The following MAP3K20 variants were observed in gnomAD, a reference collection of about 807,000 sequenced individuals.
MAP3K20 encodes the protein HCCS-4.
MAP3K20 carries 40 observed loss-of-function variants against 85.7 expected under a neutral mutation model. The observed-to-expected ratio is 0.47, with a 90% CI of 0.36 to 0.61. MAP3K20 has a LOEUF of 0.61. Among genes scored for constraint, MAP3K20 ranks in the 20% least tolerant of loss-of-function variants. The probability of loss-of-function intolerance (pLI) is 0.00; values close to 1 mark genes in which losing one functional copy is unlikely to be tolerated. For synonymous variants in MAP3K20, 325 were observed against 327.7 expected, an observed-to-expected ratio of 0.99 and a Z score of 0.09; for missense variants, 817 against 961.7, an observed-to-expected ratio of 0.85 and a Z score of 1.99.
chr2:173,120,513 A>C (rs1232568417), intron 2 of MAP3K20, among the ~76,000 whole-genome samples: 1 of 151,496 alleles, frequency 6.6e-6, no homozygotes, highest in African/African-American at 2.4e-5. Flanking sequence ...CAGAACCTAG[A>C]ATAGCCAGTG....
chr2:173,215,505 T>C (rs976536669), intron 10 of MAP3K20: 1 of 152,258 alleles, frequency 6.6e-6, no homozygotes, highest in Admixed American at 6.5e-5. Context: ...GAAAAATTGC[T>C]GATTCACTGC....
At chr2:173,117,559 C>A (rs537712836) in intron 2 of MAP3K20, among the ~76,000 whole-genome samples, 1 of 152,158 alleles carries the variant, frequency 6.6e-6, no homozygotes, top group African/African-American at 2.4e-5. Context: ...GGATTACAGG[C>A]ACAAGCCACC....
chr2:173,091,839 A>C (rs1321043097), intron 2 of MAP3K20, among the ~76,000 whole-genome samples: 3 of 152,168 alleles, frequency 2.0e-5, no homozygotes, highest in Non-Finnish European at 4.4e-5. Flanking sequence ...CCTTCTCAGG[A>C]ATGAGATATA....
rs1197277628 is a variant in MAP3K20, at chr2:173,112,397, A to C, written c.159+21207A>C. ...CTCTTCACTGATTTGGATGCCCTTT[A>C]TTTCTTTCTCTTGTCTGATTGATCC... On this transcript the variant is annotated intron_variant, in intron 2 of 19. Transcript: ENST00000375213. 2.6e-5 allele frequency among the ~76,000 whole-genome samples: 4 copies of C among 152,000 alleles called. No individual in the cohort carries two copies. The East Asian group carries it at 7.7e-4, about 29-fold the overall frequency.
chr2:173,196,203 G>A (rs1402389190), intron 7 of MAP3K20, among the ~76,000 whole-genome samples: 2 of 152,148 alleles, frequency 1.3e-5, no homozygotes, highest in Non-Finnish European at 2.9e-5. Flanking sequence ...CCTTAGGAAT[G>A]CCACATCCAT....
rs1014561154 is a variant in MAP3K20, at chr2:173,134,675, T to C, written c.160-35130T>C. 3.3e-5 allele frequency among the ~76,000 whole-genome samples: 5 copies of C among 151,396 alleles called. 1 individual carries two copies. The highest frequency in any genetic ancestry group is 1.2e-4 in the African/African-American group (5 of 41,166). Reference sequence around the variant, plus strand: ...AGCTACATACATTGGAACTGATACTTCCTCCATGTGGCAGCCTTCAGATAT... The same window carrying C: ...AGCTACATACATTGGAACTGATACTCCCTCCATGTGGCAGCCTTCAGATAT... On this transcript the variant is annotated intron_variant, in intron 2 of 19. Transcript: ENST00000375213.
In MAP3K20 at chr2:173,230,552, T is replaced by C. The variant is rs139902300; in HGVS notation, c.1032+819T>C. Among the ~76,000 whole-genome samples, 20 of 152,298 alleles carry C rather than the reference T, an allele frequency of 1.3e-4. No homozygotes were observed. In the East Asian group the frequency reaches 3.9e-3, roughly 29 times the overall value. Reference sequence around the variant, plus strand: ...TAGCTTTAGCCAGAGAAGCCCTATGTTTTTGAGAGGCTGCACTCAGACTGT... The same window carrying C: ...TAGCTTTAGCCAGAGAAGCCCTATGCTTTTGAGAGGCTGCACTCAGACTGT... On this transcript the variant is annotated intron_variant, in intron 12 of 19. Transcript: ENST00000375213.
chr2:173,186,141 G>A (rs1690479765), intron 4 of MAP3K20, among the ~76,000 whole-genome samples: 1 of 152,120 alleles, frequency 6.6e-6, no homozygotes, highest in South Asian at 2.1e-4. Context: ...GAAGGAAAGT[G>A]CCTATATTTA....
At chr2:173,164,539 A>G (rs1574070823) in intron 2 of MAP3K20, among the ~76,000 whole-genome samples, 1 of 152,306 alleles carries the variant, frequency 6.6e-6, no homozygotes, top group East Asian at 1.9e-4. Context: ...GCTGTGCACA[A>G]GCTCTTCAGT....
intron 2 of MAP3K20, among the ~76,000 whole-genome samples, chr2:173,153,006 A>C (rs945168722): frequency 6.6e-6 from 1 of 152,220 alleles, no homozygotes; most frequent in Non-Finnish European, 1.5e-5. Flanking sequence ...AATTTGATTG[A>C]GACTAAATAA....
chr2:173,206,095 T>A (rs1463587217), intron 9 of MAP3K20, among the ~76,000 whole-genome samples: 58 of 152,236 alleles, frequency 3.8e-4, no homozygotes, highest in Admixed American at 3.8e-3. Flanking sequence ...AAATAGAAAT[T>A]TTGCCTGAAA....
chr2:173,215,671 A>T (rs559594296), intron 10 of MAP3K20: 15 of 152,238 alleles, frequency 9.9e-5, no homozygotes, highest in African/African-American at 3.6e-4. Context: ...TCAGACGAGT[A>T]GCGAAGTGAA....
rs188864784 is a variant in MAP3K20 at position 173,232,241 on chromosome 2, C to A, written c.1063+19C>A. 1 of 1,614,176 alleles carries A rather than the reference C, an allele frequency of 6.2e-7. No individual in the cohort carries two copies. Among genetic ancestry groups the A allele is most frequent in the East Asian group, 2.2e-5 (1 of 44,894 alleles). On this transcript the variant is annotated intron_variant, in intron 13 of 19. Coordinates refer to ENST00000375213, the MANE Select transcript of MAP3K20 (RefSeq NM_016653.3). ...AGAAAAGGCAAGTGGAATAAGTTAC[C>A]TTCTTCAATCATGGAGTTAACTTTG...
intron 2 of MAP3K20, among the ~76,000 whole-genome samples, chr2:173,153,742 T>G (rs1026547949): frequency 6.6e-6 from 1 of 152,168 alleles, no homozygotes; most frequent in Non-Finnish European, 1.5e-5. Context: ...GATGCCTAAG[T>G]CCTTTGTATA....
At chr2:173,169,529 T>C (rs886950175) in intron 2 of MAP3K20, among the ~76,000 whole-genome samples, 41 of 151,686 alleles carry the variant, frequency 2.7e-4, no homozygotes, top group Non-Finnish European at 8.8e-5. Flanking sequence ...GAGATCAGCC[T>C]GGACAACATA....
rs1683578108 is a variant in MAP3K20, at chr2:173,203,942, T to G, written c.744+72T>G. The G allele has an allele frequency of 6.5e-6, 9 of 1,395,176 alleles. No individual in the cohort carries two copies. The South Asian group carries it at 1.0e-4, about 16-fold the overall frequency. 86.4% of individuals were successfully genotyped at this position (1,395,176 alleles called of 1,614,324 possible). A position where few individuals can be genotyped will look rare whatever the true frequency, so the allele number is the denominator to read the frequency against. On this transcript the variant is annotated intron_variant, in intron 9 of 19. Transcript: ENST00000375213. ...TTGTTTGGCTTTCAGTTTTTAAAAC[T>G]TAGGGTAATAAAATTCATTACAAAG...
At chr2:173,217,057 C>A in intron 10 of MAP3K20, 58 bp from the exon 11 acceptor site, 1 of 1,362,780 alleles carries the variant, frequency 7.3e-7, no homozygotes, top group Non-Finnish European at 9.5e-7. Context: ...GATGGACCCA[C>A]TAAGCGCTTG....
At chr2:173,230,006 A>G (rs899366123) in intron 12 of MAP3K20, among the ~76,000 whole-genome samples, 2 of 152,012 alleles carry the variant, frequency 1.3e-5, no homozygotes, top group African/African-American at 4.8e-5. Context: ...TAATTTTTGT[A>G]TTTTTAGTAG....
intron 3 of MAP3K20, among the ~76,000 whole-genome samples, chr2:173,172,366 G>A (rs1043245337): frequency 6.6e-6 from 1 of 151,858 alleles, no homozygotes; most frequent in African/African-American, 2.4e-5. Context: ...TGTTGCAGCA[G>A]GCAGCTGTTG....
Sources: gnomAD v4.1 joint callset for allele counts (sites outside exome capture counted in the v4.1 genomes callset) on GRCh38, gnomAD v4.1.1 for gene constraint, MANE v1.5 for transcripts, NCBI Gene and HGNC (gene_info 2026-07-23, HGNC 2026-07-21) for gene names.